WIPI2: variants seen among roughly 807,000 people sequenced by gnomAD.
The protein encoded by WIPI2 is WD repeat domain, phosphoinositide interacting 2.
A neutral mutation model predicts 52.3 loss-of-function variants in WIPI2; 28 were observed. That is an observed-to-expected ratio of 0.54 (90% CI 0.40 to 0.73). The LOEUF is 0.73. Among genes scored for constraint, WIPI2 ranks in the 30% least tolerant of loss-of-function variants. The pLI, the probability that WIPI2 is intolerant of heterozygous loss-of-function variation, is 0.00. For missense variants in WIPI2, 506 were observed against 602.9 expected (o/e 0.84, Z 1.68); for synonymous variants, 268 against 245.0 (o/e 1.09, Z -0.88).
rs201562931 is a variant in WIPI2 at position 5,228,157 on chromosome 7, T to C, written c.1067T>C (p.Met356Thr). Residue 356 changes from methionine (M) to threonine (T), a missense_variant, in exon 11 of 13, where the codon ATG (methionine) becomes ACG (threonine). By Grantham distance (81) the Met-to-Thr change is moderately conservative. Coordinates refer to ENST00000288828, the MANE Select transcript of WIPI2 (RefSeq NM_015610.4). ...LVGAADGYLYMYNLDPQEGGE... is the reference protein window; with the variant it reads ...LVGAADGYLYTYNLDPQEGGE... ...GGTGCCGCCGACGGGTACCTGTACA[T>C]GTACAACCTGGACCCCCAGGAGGGC... The C allele has an allele frequency of 1.1e-5, 17 of 1,613,948 alleles. No individual in the cohort carries two copies. The Admixed American group carries it at 1.8e-4, about 17-fold the overall frequency.
chr7:5,218,218 T>G (rs753365092), intron 7 of WIPI2: 11 of 540,106 alleles, frequency 2.0e-5, no homozygotes, highest in Non-Finnish European at 1.7e-5. Flanking sequence ...ACGGGAGAGC[T>G]GGTCCACATT....
chr7:5,193,416 T>A, intron 2 of WIPI2: 1 of 1,149,472 alleles, frequency 8.7e-7, no homozygotes, highest in South Asian at 2.3e-5. Context: ...GGGACTTGAC[T>A]TTCCAAGTCT....
chr7:5,210,200 C>A (rs1181711879), intron 3 of WIPI2, among the ~76,000 whole-genome samples: 5 of 152,230 alleles, frequency 3.3e-5, no homozygotes, highest in Admixed American at 6.5e-5. Flanking sequence ...TGAGCCCCTG[C>A]GCCTGGCCTG....
intron 2 of WIPI2, among the ~76,000 whole-genome samples, chr7:5,196,024 C>G (rs1365611760): frequency 6.6e-6 from 1 of 150,802 alleles, no homozygotes; most frequent in Non-Finnish European, 1.5e-5. Context: ...GGCAACAGAG[C>G]AAGACTCCAT....
chr7:5,208,886 A>G (rs991483554), intron 3 of WIPI2, among the ~76,000 whole-genome samples: 4 of 152,128 alleles, frequency 2.6e-5, no homozygotes, highest in African/African-American at 9.7e-5. Context: ...TGGGATTATG[A>G]TTAGGATGGG....
chr7:5,193,253 T>G, intron 2 of WIPI2, 82 bp downstream of exon 2: 1 of 1,578,796 alleles, frequency 6.3e-7, no homozygotes, highest in Non-Finnish European at 8.6e-7. Context: ...GAAATTGCAG[T>G]GAACCAGTTA....
chr7:5,207,710 C>G (rs1347168848), intron 3 of WIPI2, among the ~76,000 whole-genome samples: 1 of 151,556 alleles, frequency 6.6e-6, no homozygotes, highest in African/African-American at 2.4e-5. Flanking sequence ...AGTGACTATA[C>G]CATTTGTGGT....
In WIPI2 at chr7:5,222,622, T is replaced by G. The variant is rs770283792; in HGVS notation, c.690T>G (p.Phe230Leu). Residue 230 changes from phenylalanine to leucine, a missense_variant, in exon 8 of 13, where the codon TTT (phenylalanine) becomes TTG (leucine). This residue lies in a region of WIPI2 where 237 missense variants were observed against 346.9 expected (regional missense o/e 0.68). Transcript: ENST00000288828. ...ASEKGTVIRV[F>L]SIPEGQKLFE... ...CACAGGGGACCGTGATTAGGGTATTTTCCATTCCAGAAGGACAAAAACTCT... is the reference window on the plus strand; with the variant it reads ...CACAGGGGACCGTGATTAGGGTATTGTCCATTCCAGAAGGACAAAAACTCT... 1 of 1,614,098 alleles carries G rather than the reference T, an allele frequency of 6.2e-7. No homozygotes were observed. The highest frequency in any genetic ancestry group is 1.1e-5 in the South Asian group (1 of 91,084).
intron 3 of WIPI2, among the ~76,000 whole-genome samples, chr7:5,204,961 C>A (rs1782219385): frequency 6.6e-6 from 1 of 152,290 alleles, no homozygotes; most frequent in African/African-American, 2.4e-5. Context: ...CAGGTGTGAG[C>A]CAACATGCCC....
rs1030847519 is a variant in WIPI2, at chr7:5,227,413, T to C, written c.1013+69T>C. The C allele has an allele frequency of 2.6e-6, 4 of 1,566,442 alleles. No homozygotes were observed. The highest frequency in any genetic ancestry group is 1.8e-5 in the Admixed American group (1 of 55,786). On this transcript the variant is annotated intron_variant, in intron 10 of 12. Coordinates refer to ENST00000288828, the MANE Select transcript of WIPI2 (RefSeq NM_015610.4). The surrounding 1 kb of genome is among the most constrained non-coding windows in gnomAD (Gnocchi z 8.1). Reference sequence around the variant, plus strand: ...GGCCGAGGGGCCCAGTCCTGGCGGCTTGTGGCCCCTTCCGTGCTTCTGAAC... The same window carrying C: ...GGCCGAGGGGCCCAGTCCTGGCGGCCTGTGGCCCCTTCCGTGCTTCTGAAC...
intron 2 of WIPI2, among the ~76,000 whole-genome samples, chr7:5,194,884 G>A (rs1428746828): frequency 6.6e-6 from 1 of 152,200 alleles, no homozygotes; most frequent in Non-Finnish European, 1.5e-5. Flanking sequence ...TGCTAGTGAA[G>A]AAAGCAGAGA....
Position 5,191,952 on chromosome 7 carries a change from A to G in WIPI2, c.75-1166A>G, listed in dbSNP as rs555378693. On this transcript the variant is annotated intron_variant, in intron 1 of 12. Coordinates refer to ENST00000288828, the MANE Select transcript of WIPI2 (RefSeq NM_015610.4). ...TGAGGAAATCCTTCCGAAAGGCTCC[A>G]AGCTGGTCTGGGTTTTGGAATTGGT... is the stretch of plus-strand genomic sequence containing the variant. Among the ~76,000 whole-genome samples the G allele has an allele frequency of 3.7e-4, 57 of 152,296 alleles. No homozygotes were observed. In the South Asian group the frequency reaches 0.011, roughly 29 times the overall value.
At chr7:5,226,171 C>A (rs1783422282) in intron 9 of WIPI2, 1 of 493,222 alleles carries the variant, frequency 2.0e-6, no homozygotes, top group South Asian at 2.4e-5. Context: ...TCGCGTAGGG[C>A]ATGGAGGGCC....
chr7:5,214,912 C>G (rs1782736732), intron 4 of WIPI2, among the ~76,000 whole-genome samples: 1 of 152,268 alleles, frequency 6.6e-6, no homozygotes, highest in Non-Finnish European at 1.5e-5. Context: ...ATGCCCGGGC[C>G]TCTGCCACAC....
Position 5,230,318 on chromosome 7 carries a change from G to A in WIPI2, c.1253-517G>A, listed in dbSNP as rs971133472. Among the ~76,000 whole-genome samples the A allele has an allele frequency of 8.5e-5, 13 of 152,142 alleles. No individual in the cohort carries two copies. Among genetic ancestry groups the A allele is most frequent in the African/African-American group, 3.1e-4 (13 of 41,432 alleles). ...GAATGAGGCCAATGGGCTCCCCTCCGGCGGCAGCACTAAGACCCATGCATG... is the reference window on the plus strand; with the variant it reads ...GAATGAGGCCAATGGGCTCCCCTCCAGCGGCAGCACTAAGACCCATGCATG... On this transcript the variant is annotated intron_variant, in intron 12 of 12. Transcript: ENST00000288828. The surrounding 1 kb of genome is among the most constrained non-coding windows in gnomAD (Gnocchi z 4.8).
chr7:5,209,380 A>T (rs12537639), intron 3 of WIPI2, among the ~76,000 whole-genome samples: 62,907 of 151,994 alleles, frequency 0.41, 13,441 homozygotes, highest in East Asian at 0.57. Flanking sequence ...ACGGGAAGAG[A>T]TCAAATATCT....
At chr7:5,217,491 C>T (rs1164659338) in intron 6 of WIPI2, 1 of 403,086 alleles carries the variant, frequency 2.5e-6, no homozygotes, top group East Asian at 5.6e-5. Flanking sequence ...GAGATGGAGT[C>T]TTGCTGGGTT....
Position 5,214,116 on chromosome 7 carries a change from C to T in WIPI2, c.212-419C>T, listed in dbSNP as rs574226481. Reference sequence around the variant, plus strand: ...TTTGGCCAGCCTCAGTATGCGAGCACGTAGGCTAGCGCTCAGCACATGAGT... The same window carrying T: ...TTTGGCCAGCCTCAGTATGCGAGCATGTAGGCTAGCGCTCAGCACATGAGT... On this transcript the variant is annotated intron_variant, in intron 3 of 12. Coordinates refer to ENST00000288828, the MANE Select transcript of WIPI2 (RefSeq NM_015610.4). 162 of 363,746 alleles carry T rather than the reference C, an allele frequency of 4.5e-4. 1 individual carries two copies. Among genetic ancestry groups the T allele is most frequent in the South Asian group, 1.5e-3 (44 of 29,734 alleles). 22.5% of individuals were successfully genotyped at this position (363,746 alleles called of 1,614,324 possible). A position where few individuals can be genotyped will look rare whatever the true frequency, so the allele number is the denominator to read the frequency against.
chr7:5,222,764 G>C (rs564439468), intron 8 of WIPI2, 92 bp downstream of exon 8: 72 of 1,256,204 alleles, frequency 5.7e-5, no homozygotes, highest in Non-Finnish European at 7.6e-5. Context: ...GAACCCCCAG[G>C]AGAATTCCAC....
Sources: allele counts gnomAD v4.1 joint callset (sites outside exome capture counted in the v4.1 genomes callset), GRCh38; gene constraint gnomAD v4.1.1; regional missense constraint gnomAD v4.1.1; non-coding constraint Gnocchi (gnomAD v3.1); transcripts MANE v1.5; gene names NCBI Gene and HGNC (gene_info 2026-07-23, HGNC 2026-07-21).